TLK1: variants seen among roughly 807,000 people sequenced by gnomAD.
TLK1 encodes serine/threonine-protein kinase tousled-like 1.
Under a neutral mutation model 105.3 loss-of-function variants are expected in TLK1, and 24 were observed. That is an observed-to-expected ratio of 0.23 (90% CI 0.17 to 0.32). TLK1 has a LOEUF of 0.32. TLK1 is among the 10% of genes least tolerant of loss of function. The pLI, the probability that TLK1 is intolerant of heterozygous loss-of-function variation, is 1.00. For synonymous variants in TLK1, 321 were observed against 310.4 expected (o/e 1.03, Z -0.36); for missense variants, 558 against 910.5 (o/e 0.61, Z 4.98).
At chr2:171,019,482 T>C (rs895406889) in intron 12 of TLK1, among the ~76,000 whole-genome samples, 1 of 152,222 alleles carries the variant, frequency 6.6e-6, no homozygotes, top group Non-Finnish European at 1.5e-5. Context: ...TAAAAAGTTA[T>C]AAAATACATT....
At position 171,011,364 on chromosome 2, in the gene TLK1, A is replaced by T; in HGVS notation, c.1416+9T>A. ...TAGTGTAAAAAAAACAGAATAAAAC[A>T]TACATTACCTTATACACTTCACTAA... is the stretch of plus-strand genomic sequence containing the variant. On this transcript the variant is annotated intron_variant, in intron 14 of 20. Transcript: ENST00000431350. 1 of 1,597,546 alleles carries T rather than the reference A, an allele frequency of 6.3e-7. No homozygotes were observed. Among genetic ancestry groups the T allele is most frequent in the South Asian group, 1.1e-5 (1 of 88,682 alleles).
chr2:171,034,902 G>C (rs1193801018), intron 11 of TLK1, among the ~76,000 whole-genome samples: 1 of 152,026 alleles, frequency 6.6e-6, no homozygotes, highest in Non-Finnish European at 1.5e-5. Flanking sequence ...ATATGGTTTG[G>C]CTGTGTCCCC....
chr2:171,124,264 C>G (rs1690780196), intron 1 of TLK1, among the ~76,000 whole-genome samples: 1 of 152,216 alleles, frequency 6.6e-6, no homozygotes, highest in Non-Finnish European at 1.5e-5. Context: ...TCAGTTGCCA[C>G]TGAAATGACT....
chr2:171,209,901 A>G (rs886850806), intron 1 of TLK1, among the ~76,000 whole-genome samples: 2 of 152,160 alleles, frequency 1.3e-5, no homozygotes, highest in Non-Finnish European at 2.9e-5. Flanking sequence ...CAGCTACCCA[A>G]TCCATGAAAC....
At chr2:171,021,470 T>G (rs1685502553) in intron 12 of TLK1, among the ~76,000 whole-genome samples, 1 of 67,818 alleles carries the variant, frequency 1.5e-5, no homozygotes, top group South Asian at 5.0e-4. Flanking sequence ...TTTTTTTTTT[T>G]GGTAGAGACA....
intron 1 of TLK1, among the ~76,000 whole-genome samples, chr2:171,211,270 C>T (rs1211260719): frequency 1.3e-5 from 2 of 152,220 alleles, no homozygotes; most frequent in African/African-American, 4.8e-5. Context: ...CTTACTTTTA[C>T]TGGCTCCCTT....
intron 2 of TLK1, among the ~76,000 whole-genome samples, chr2:171,088,493 A>G (rs1689080435): frequency 6.6e-6 from 1 of 152,238 alleles, no homozygotes; most frequent in African/African-American, 2.4e-5. Context: ...TTGGAAAGAC[A>G]CATTTTTAAA....
At chr2:171,185,445 C>T (rs1180910844) in intron 1 of TLK1, among the ~76,000 whole-genome samples, 1 of 152,174 alleles carries the variant, frequency 6.6e-6, no homozygotes, top group African/African-American at 2.4e-5. Context: ...ACATATGACA[C>T]TGCCTATCTC....
intron 1 of TLK1, among the ~76,000 whole-genome samples, chr2:171,203,981 G>T (rs79816345): frequency 6.6e-6 from 1 of 152,012 alleles, no homozygotes; most frequent in African/African-American, 2.4e-5. Context: ...GAACCGGTGG[G>T]GGGCAGAGCT....
intron 3 of TLK1, among the ~76,000 whole-genome samples, chr2:171,080,669 A>G (rs1688709818): frequency 6.6e-6 from 1 of 151,536 alleles, no homozygotes; most frequent in Admixed American, 6.6e-5. Flanking sequence ...GTAAAACTCC[A>G]AGACAGAGAA....
chr2:171,113,933 T>G (rs1690294974), intron 2 of TLK1, among the ~76,000 whole-genome samples: 1 of 152,198 alleles, frequency 6.6e-6, no homozygotes. Flanking sequence ...TAACTATTTG[T>G]AAAGACTGAT....
rs1475507265 is a variant in TLK1, at chr2:171,122,769, T to TGG, written c.140-4914_140-4913dup. On this transcript the variant is annotated intron_variant, in intron 1 of 20. Transcript: ENST00000431350. Reference sequence around the variant, plus strand: ...ATATTTTATAATAGGCCAGGTGCAGTGGCTCACATCTATAATCCCAGCACG... The same window carrying TGG: ...ATATTTTATAATAGGCCAGGTGCAGTGGGGCTCACATCTATAATCCCAGCACG... 5.9e-5 allele frequency among the ~76,000 whole-genome samples: 9 copies of TGG among 152,196 alleles called. No individual in the cohort carries two copies. The South Asian group carries it at 1.2e-3, about 21-fold the overall frequency.
chr2:171,184,227 A>T (rs1450532325), intron 1 of TLK1, among the ~76,000 whole-genome samples: 1 of 152,254 alleles, frequency 6.6e-6, no homozygotes, highest in African/African-American at 2.4e-5. Flanking sequence ...TCCAAAAAGC[A>T]GAAAGCCCTG....
chr2:171,040,555 A>G (rs1686614311), intron 11 of TLK1, among the ~76,000 whole-genome samples: 1 of 142,904 alleles, frequency 7.0e-6, no homozygotes, highest in Admixed American at 7.8e-5. Flanking sequence ...TATACAAAAT[A>G]TATTCCTTTT....
chr2:171,172,215 A>G (rs1466237397), intron 1 of TLK1, among the ~76,000 whole-genome samples: 1 of 152,202 alleles, frequency 6.6e-6, no homozygotes, highest in Non-Finnish European at 1.5e-5. Flanking sequence ...AAAACAGGCA[A>G]ATCATTCTAT....
At chr2:171,081,527 TA>T (rs1688753491) in intron 3 of TLK1, 1 of 534,140 alleles carries the variant, frequency 1.9e-6, no homozygotes, top group African/African-American at 2.0e-5. Context: ...ATACACTTTT[TA>T]AAAAACTTTG....
At chr2:171,137,324 C>T (rs1691367264) in intron 1 of TLK1, among the ~76,000 whole-genome samples, 1 of 151,336 alleles carries the variant, frequency 6.6e-6, no homozygotes. Context: ...TATCTTATCC[C>T]AAATAAGGAA....
At chr2:171,090,242 T>C (rs1413635484) in intron 2 of TLK1, among the ~76,000 whole-genome samples, 4 of 152,264 alleles carry the variant, frequency 2.6e-5, no homozygotes, top group East Asian at 1.9e-4. Context: ...TAATACTGTA[T>C]ATGGTACCTT....
intron 1 of TLK1, among the ~76,000 whole-genome samples, chr2:171,189,798 G>A (rs1693110010): frequency 6.6e-6 from 1 of 152,122 alleles, no homozygotes; most frequent in African/African-American, 2.4e-5. Context: ...TTGTCATTTT[G>A]TGGTCACAAG....
Sources: gnomAD v4.1 joint callset for allele counts (sites outside exome capture counted in the v4.1 genomes callset) on GRCh38, gnomAD v4.1.1 for gene constraint, MANE v1.5 for transcripts, NCBI Gene and HGNC (gene_info 2026-07-23, HGNC 2026-07-21) for gene names.